The following ZNF487 variants were observed in gnomAD, a reference collection of about 807,000 sequenced individuals.
The protein encoded by ZNF487 is KRAB domain only 1.
In ZNF487, 4 loss-of-function variants were observed where a neutral mutation model predicts 3.0. That is an observed-to-expected ratio of 1.35 (90% CI 0.66 to 3.08). ZNF487 has a LOEUF of 3.08. ZNF487 is among the 30% of genes most tolerant of loss of function. ZNF487 has a pLI of 0.01. For synonymous variants in ZNF487, 55 were observed against 34.6 expected (o/e 1.59, Z -2.06); for missense variants, 146 against 98.7 (o/e 1.48, Z -2.03).
At chr10:43,490,389 C>G in the ZNF487 span, among the ~76,000 whole-genome samples, 1 of 151,454 alleles carries the variant, frequency 6.6e-6, no homozygotes, top group African/African-American at 2.4e-5. Context: ...ATAAATAAAA[C>G]AAACAAACAG....
At chr10:43,471,311 G>T (rs369924207) in intron 1 of ZNF487, among the ~76,000 whole-genome samples, 15 of 152,276 alleles carry the variant, frequency 9.9e-5, no homozygotes, top group African/African-American at 3.4e-4. Context: ...ACACTTGCTC[G>T]CACACTTGGA....
intron 1 of ZNF487, among the ~76,000 whole-genome samples, chr10:43,473,508 A>G (rs955526538): frequency 6.6e-6 from 1 of 151,886 alleles, no homozygotes; most frequent in Non-Finnish European, 1.5e-5. Flanking sequence ...TGTTTTTGAC[A>G]TACCTTTTTT....
At chr10:43,449,676 G>A (rs1839938218) in intron 1 of ZNF487, among the ~76,000 whole-genome samples, 1 of 150,588 alleles carries the variant, frequency 6.6e-6, no homozygotes, top group Non-Finnish European at 1.5e-5. Flanking sequence ...ATGTATTGAA[G>A]CATTTTTTTT....
chr10:43,487,688 G>A (rs575031067), downstream of ZNF487, among the ~76,000 whole-genome samples: 37 of 151,368 alleles, frequency 2.4e-4, no homozygotes, highest in East Asian at 7.2e-3. Context: ...CCGACTTCAG[G>A]TGATCCCCCA....
At chr10:43,481,148 C>G (rs1454557804) in intron 3 of ZNF487, among the ~76,000 whole-genome samples, 2 of 151,460 alleles carry the variant, frequency 1.3e-5, no homozygotes, top group Non-Finnish European at 2.9e-5. Flanking sequence ...AGTAACAAGG[C>G]AAAAAACTCC....
Position 43,446,306 on chromosome 10 carries a change from G to A in ZNF487, c.-94+9044G>A, listed in dbSNP as rs565427976. On this transcript the variant is annotated intron_variant, in intron 1 of 3. Transcript: ENST00000437590. ...GACGGGGTGGCTGCTGGGCGGGGGCGCCCCCCACCTCCCAGACGGGGTGGC... is the reference window on the plus strand; with the variant it reads ...GACGGGGTGGCTGCTGGGCGGGGGCACCCCCCACCTCCCAGACGGGGTGGC... Among the ~76,000 whole-genome samples the A allele has an allele frequency of 2.5e-4, 38 of 150,106 alleles. No homozygotes were observed. In the South Asian group the frequency reaches 4.9e-3, roughly 19 times the overall value.
At chr10:43,439,251 T>A (rs978396572) in intron 1 of ZNF487, among the ~76,000 whole-genome samples, 1 of 151,530 alleles carries the variant, frequency 6.6e-6, no homozygotes, top group African/African-American at 2.4e-5. Context: ...CAAAAAAAAA[T>A]CAGCTGGGCA....
At chr10:43,447,566 C>T (rs1399563153) in intron 1 of ZNF487, among the ~76,000 whole-genome samples, 1 of 152,164 alleles carries the variant, frequency 6.6e-6, no homozygotes, top group Non-Finnish European at 1.5e-5. Flanking sequence ...TCTAATCTGC[C>T]TGGTGTAGGA....
chr10:43,468,509 G>A (rs1322922076), intron 1 of ZNF487, among the ~76,000 whole-genome samples: 3 of 151,166 alleles, frequency 2.0e-5, no homozygotes, highest in Admixed American at 6.6e-5. Context: ...GAGAAACCCC[G>A]TCTCTACTAA....
chr10:43,480,087 T>G (rs1392047670), intron 3 of ZNF487, among the ~76,000 whole-genome samples: 1 of 144,944 alleles, frequency 6.9e-6, no homozygotes, highest in Non-Finnish European at 1.5e-5. Flanking sequence ...CTTCCTTCTT[T>G]CTTTTCTTTT....
At chr10:43,517,110 A>G in the ZNF487 span, among the ~76,000 whole-genome samples, 2 of 152,246 alleles carry the variant, frequency 1.3e-5, no homozygotes, top group Non-Finnish European at 2.9e-5. Context: ...TTGACACACT[A>G]ATTCAGGACA....
intron 1 of ZNF487, among the ~76,000 whole-genome samples, chr10:43,464,748 A>G (rs1840597116): frequency 2.0e-5 from 3 of 152,228 alleles, no homozygotes; most frequent in Admixed American, 2.0e-4. Context: ...GAACAAAATG[A>G]AAAGTCTGCC....
downstream of ZNF487, among the ~76,000 whole-genome samples, chr10:43,487,810 C>G (rs949252823): frequency 6.6e-6 from 1 of 151,454 alleles, no homozygotes; most frequent in Non-Finnish European, 1.5e-5. Flanking sequence ...TGAGGCCGGG[C>G]GCAGTGGCCC....
chr10:43,508,679 AAC>A, the ZNF487 span, among the ~76,000 whole-genome samples: 2 of 151,870 alleles, frequency 1.3e-5, no homozygotes, highest in Admixed American at 1.3e-4. Context: ...CAAAAACAAA[AAC>A]AAACAAACAA....
chr10:43,446,082 T>C (rs974286530), intron 1 of ZNF487, among the ~76,000 whole-genome samples: 7 of 152,374 alleles, frequency 4.6e-5, no homozygotes, highest in Non-Finnish European at 1.0e-4. Context: ...TACTTCTTTC[T>C]ACACAGACAC....
chr10:43,493,211 C>T, the ZNF487 span, among the ~76,000 whole-genome samples: 1 of 152,090 alleles, frequency 6.6e-6, no homozygotes, highest in Non-Finnish European at 1.5e-5. Flanking sequence ...GCCGAGGCAA[C>T]AAGAGCGAAA....
the ZNF487 span, among the ~76,000 whole-genome samples, chr10:43,520,305 G>T: frequency 6.6e-6 from 1 of 152,078 alleles, no homozygotes; most frequent in Admixed American, 6.5e-5. Context: ...TATGGCCTGG[G>T]TTGTGAGTAC....
At chr10:43,504,381 C>T in the ZNF487 span, among the ~76,000 whole-genome samples, 1 of 150,240 alleles carries the variant, frequency 6.7e-6, no homozygotes, top group Non-Finnish European at 1.5e-5. Flanking sequence ...GCAACCTCCG[C>T]CTCCCAGGTT....
chr10:43,498,095 ATATATTTTTTTTTTTTTTCTTTTTT>A, the ZNF487 span, among the ~76,000 whole-genome samples: 38 of 12,596 alleles, frequency 3.0e-3, no homozygotes, highest in Non-Finnish European at 3.7e-3. Flanking sequence ...ATATATATAT[ATATATTTTTTTTTTTTTTCTTTTTT>A]TTTTTTTTTT....
Sources: allele counts gnomAD v4.1 joint callset (sites outside exome capture counted in the v4.1 genomes callset), GRCh38; gene constraint gnomAD v4.1.1; transcripts MANE v1.5; gene names NCBI Gene and HGNC (gene_info 2026-07-23, HGNC 2026-07-21).